The following AHRR variants were observed in gnomAD, a reference collection of about 807,000 sequenced individuals.
AHRR encodes the protein ahR repressor.
A neutral mutation model predicts 44.0 loss-of-function variants in AHRR; 28 were observed. The observed-to-expected ratio is 0.64, with a 90% CI of 0.47 to 0.87. The LOEUF (loss-of-function observed/expected upper bound fraction) is 0.87, where lower values mean the gene tolerates loss of function less well. Ranked by LOEUF, AHRR falls within the 40% of genes least tolerant of loss-of-function variation. The pLI is 0.00. For missense variants in AHRR, 990 were observed against 953.9 expected (o/e 1.04, Z -0.50); for synonymous variants, 434 against 407.0 (o/e 1.07, Z -0.80).
At chr5:347,191 C>T (rs1259872281) in intron 2 of AHRR, among the ~76,000 whole-genome samples, 1 of 152,152 alleles carries the variant, frequency 6.6e-6, no homozygotes, top group African/African-American at 2.4e-5. Context: ...TTCTGTGAAC[C>T]GTGTTTACGC....
chr5:377,904 T>C (rs1733803380), intron 4 of AHRR, among the ~76,000 whole-genome samples: 1 of 152,200 alleles, frequency 6.6e-6, no homozygotes, highest in African/African-American at 2.4e-5. Context: ...GGTCCGCCCG[T>C]CTGCTCCTGA....
chr5:392,426 C>T (rs1207404793), intron 4 of AHRR, among the ~76,000 whole-genome samples: 6 of 142,634 alleles, frequency 4.2e-5, no homozygotes, highest in Non-Finnish European at 6.2e-5. Context: ...CACGAACACA[C>T]GGGTGCAGGG....
chr5:405,357 G>C lies in AHRR; in HGVS notation c.352-7987G>C, dbSNP rs1686604656. Among the ~76,000 whole-genome samples the C allele has an allele frequency of 6.6e-6, 1 of 152,182 alleles. No homozygotes were observed. Among genetic ancestry groups the C allele is most frequent in the South Asian group, 2.1e-4 (1 of 4,830 alleles). On this transcript the variant is annotated intron_variant, in intron 4 of 10. Coordinates refer to ENST00000684583, the MANE Select transcript of AHRR (RefSeq NM_001377236.1). This position sits in a 1 kb window ranked among gnomAD's most constrained non-coding sequence, Gnocchi z 4.5. ...TTTCCCTTTCTCTAGAAACGTGGTG[G>C]AGTTCAGGGTGATAACGATGGGCTT...
Position 404,065 on chromosome 5 carries a change from C to G in AHRR, c.352-9279C>G. 1.5e-6 allele frequency: 1 copy of G among 686,780 alleles called. No individual in the cohort carries two copies. Among genetic ancestry groups the G allele is most frequent in the South Asian group, 1.5e-5 (1 of 67,972 alleles). The allele number at this position is 686,780 out of a possible 1,614,324, so 42.5% of individuals were successfully genotyped here. On this transcript the variant is annotated intron_variant, in intron 4 of 10. Coordinates refer to ENST00000684583, the MANE Select transcript of AHRR (RefSeq NM_001377236.1). The surrounding 1 kb of genome is among the most constrained non-coding windows in gnomAD (Gnocchi z 4.1). ...AGTCTTTGCATCCAAATCATGTTGT[C>G]CAGCGTTTGAAGAAAAAGTCAGTTC...
At chr5:340,676 A>T (rs1427850111) in intron 1 of AHRR, among the ~76,000 whole-genome samples, 2 of 24,616 alleles carry the variant, frequency 8.1e-5, no homozygotes, top group Non-Finnish European at 1.4e-4. Flanking sequence ...ATATATATAT[A>T]TATATATATA....
chr5:323,073 G>A (rs1203815886), intron 1 of AHRR, among the ~76,000 whole-genome samples: 2 of 152,260 alleles, frequency 1.3e-5, no homozygotes, highest in African/African-American at 4.8e-5. Flanking sequence ...CTGCCCGTGA[G>A]CAGCACCCAG....
chr5:428,809 G>T (rs1736585819), intron 8 of AHRR, among the ~76,000 whole-genome samples: 1 of 152,186 alleles, frequency 6.6e-6, no homozygotes, highest in Non-Finnish European at 1.5e-5. Context: ...AGATCATCAG[G>T]CATTAGATTC....
chr5:414,524 T>C (rs1172315508), intron 5 of AHRR, among the ~76,000 whole-genome samples: 1 of 152,006 alleles, frequency 6.6e-6, no homozygotes, highest in African/African-American at 2.4e-5. Context: ...CCCACAAAAA[T>C]ACCCGCCCTG....
chr5:407,833 G>A (rs565297241), intron 4 of AHRR, among the ~76,000 whole-genome samples: 4 of 152,184 alleles, frequency 2.6e-5, no homozygotes, highest in Non-Finnish European at 5.9e-5. Flanking sequence ...CACTGAGCCC[G>A]GCCTTACTTG....
In AHRR at chr5:437,021, A is replaced by T. The variant is rs566044947; in HGVS notation, c.*2187A>T. The T allele has an allele frequency of 1.0e-4, 16 of 152,444 alleles. No individual in the cohort carries two copies. Among genetic ancestry groups the T allele is most frequent in the Non-Finnish European group, 2.1e-4 (14 of 68,098 alleles). The allele number at this position is 152,444 out of a possible 1,614,324, so 9.4% of individuals were successfully genotyped here. A position where few individuals can be genotyped will look rare whatever the true frequency, so the allele number is the denominator to read the frequency against. On this transcript the variant is annotated 3_prime_UTR_variant, in exon 11 of 11. Transcript: ENST00000684583. Reference sequence around the variant, plus strand: ...TCCTTCCTATTCTAACCGAGTGCCCAGCTCCTTTGCTGATCATGGAAAGAC... The same window carrying T: ...TCCTTCCTATTCTAACCGAGTGCCCTGCTCCTTTGCTGATCATGGAAAGAC...
intron 3 of AHRR, among the ~76,000 whole-genome samples, chr5:366,578 G>A (rs986046367): frequency 8.5e-5 from 13 of 152,244 alleles, no homozygotes; most frequent in Non-Finnish European, 1.8e-4. Flanking sequence ...ATATCAATTG[G>A]TGCTAAAATT....
chr5:416,382 A>C (rs1735813151), intron 5 of AHRR, among the ~76,000 whole-genome samples: 1 of 152,190 alleles, frequency 6.6e-6, no homozygotes, highest in East Asian at 1.9e-4. Context: ...TGAGCAGGGG[A>C]GTGCTGGGAA....
chr5:323,430 G>C (rs1195475905), intron 1 of AHRR, among the ~76,000 whole-genome samples: 1 of 152,170 alleles, frequency 6.6e-6, no homozygotes, highest in East Asian at 1.9e-4. Context: ...CTGCCAGTAG[G>C]GCCAGGAAGT....
intron 7 of AHRR, among the ~76,000 whole-genome samples, chr5:426,881 G>T (rs201126636): frequency 1.7e-5 from 2 of 116,976 alleles, no homozygotes; most frequent in Non-Finnish European, 4.0e-5. Flanking sequence ...GGATGGATGG[G>T]TGGGTGGGTG....
chr5:373,623 A>C (rs1579635911), intron 3 of AHRR, among the ~76,000 whole-genome samples: 1 of 148,278 alleles, frequency 6.7e-6, no homozygotes, highest in Admixed American at 6.7e-5. Context: ...CACATCACAG[A>C]GGAGGAGACT....
chr5:327,987 A>G (rs1289081517), intron 1 of AHRR, among the ~76,000 whole-genome samples: 1 of 151,892 alleles, frequency 6.6e-6, no homozygotes. Context: ...CCCTGTGTCC[A>G]TGCGTTCTCA....
rs1483623483 is a variant in AHRR, at chr5:342,729, T to G, written c.-10-1164T>G. Among the ~76,000 whole-genome samples the G allele has an allele frequency of 6.6e-6, 1 of 152,250 alleles. No individual in the cohort carries two copies. The highest frequency in any genetic ancestry group is 6.5e-5 in the Admixed American group (1 of 15,282). On this transcript the variant is annotated intron_variant, in intron 1 of 10. Transcript: ENST00000684583. This position sits in a 1 kb window ranked among gnomAD's most constrained non-coding sequence, Gnocchi z 4.3. ...ACGGGATGGTTACTGCACACAGGTC[T>G]GCAGAACGTTTGTGAGGGCTCAGCT...
At chr5:428,151 C>A in intron 8 of AHRR, 145 bp downstream of exon 8, 2 of 952,286 alleles carry the variant, frequency 2.1e-6, no homozygotes, top group Non-Finnish European at 3.1e-6. Flanking sequence ...CATTACACAA[C>A]ATAGGCAGCA....
Position 388,090 on chromosome 5 carries a change from C to A in AHRR, c.351+11374C>A, listed in dbSNP as rs373102259. 6.6e-6 allele frequency among the ~76,000 whole-genome samples: 1 copy of A among 152,304 alleles called. No homozygotes were observed. The highest frequency in any genetic ancestry group is 2.4e-5 in the African/African-American group (1 of 41,560). On this transcript the variant is annotated intron_variant, in intron 4 of 10. Transcript: ENST00000684583. The surrounding 1 kb of genome is among the most constrained non-coding windows in gnomAD (Gnocchi z 5.2). Reference sequence around the variant, plus strand: ...GACCTCATCTCAGCTTCGTGACATCCGCCACTGTCCTATGTCCCAATACAG... The same window carrying A: ...GACCTCATCTCAGCTTCGTGACATCAGCCACTGTCCTATGTCCCAATACAG...
Sources: gnomAD v4.1 joint callset for allele counts (sites outside exome capture counted in the v4.1 genomes callset) on GRCh38, gnomAD v4.1.1 for gene constraint, Gnocchi (gnomAD v3.1) non-coding constraint, MANE v1.5 for transcripts, NCBI Gene and HGNC (gene_info 2026-07-23, HGNC 2026-07-21) for gene names.